The following GPR35 variants were observed in gnomAD, a reference collection of about 807,000 sequenced individuals.
GPR35 encodes G protein-coupled receptor 35.
For synonymous variants in GPR35, 207 were observed against 198.4 expected, an observed-to-expected ratio of 1.04 and a Z score of -0.36; for missense variants, 372 against 422.5, an observed-to-expected ratio of 0.88 and a Z score of 1.05.
rs564536714 is a variant in GPR35 at position 240,630,464 on chromosome 2, A to G, written c.512A>G (p.Asn171Ser). Residue 171 changes from asparagine to serine, a missense_variant, in exon 2 of 2, where the codon AAC becomes AGC. Physicochemically the swap from Asn to Ser is conservative, Grantham distance 46. Transcript: ENST00000407714. Reference sequence around the variant, plus strand: ...TTCAGGAGCACCCGGCACAATTTCAACTCCATGGCGTTCCCGCTGCTGGGA... The same window carrying G: ...TTCAGGAGCACCCGGCACAATTTCAGCTCCATGGCGTTCCCGCTGCTGGGA... The part of the protein sequence containing the change: ...FCFRSTRHNF[N>S]SMAFPLLGFY... The G allele has an allele frequency of 3.7e-6, 6 of 1,611,778 alleles. No individual in the cohort carries two copies. Among genetic ancestry groups the G allele is most frequent in the South Asian group, 3.3e-5 (3 of 91,026 alleles).
intron 2 of GPR35, among the ~76,000 whole-genome samples, chr2:240,607,951 A>G (rs2043151063): frequency 6.6e-6 from 1 of 151,428 alleles, no homozygotes; most frequent in African/African-American, 2.4e-5. Flanking sequence ...GAGTACAGTG[A>G]TGCAATCTTA....
At chr2:240,622,583 T>G (rs2043307874), upstream of GPR35, among the ~76,000 whole-genome samples, 1 of 152,246 alleles carries the variant, frequency 6.6e-6, no homozygotes, top group Admixed American at 6.5e-5. Context: ...TTTACAAATT[T>G]GTGTTGGGCC....
upstream of GPR35, among the ~76,000 whole-genome samples, chr2:240,624,568 C>T (rs1033936360): frequency 2.6e-5 from 4 of 152,194 alleles, no homozygotes; most frequent in Non-Finnish European, 5.9e-5. Flanking sequence ...GCTTCCCTTC[C>T]CTGGGCGTCC....
chr2:240,616,757 A>C (rs557477478), intron 3 of GPR35, among the ~76,000 whole-genome samples: 2 of 151,758 alleles, frequency 1.3e-5, no homozygotes, highest in South Asian at 4.2e-4. Flanking sequence ...AAAAAAAAAA[A>C]AAAAAAGTGA....
chr2:240,623,075 C>T (rs556071439), upstream of GPR35, among the ~76,000 whole-genome samples: 11 of 152,276 alleles, frequency 7.2e-5, no homozygotes, highest in African/African-American at 2.6e-4. Flanking sequence ...AGCCGGGCGC[C>T]GACGACGACT....
chr2:240,616,182 G>A (rs1251486201), intron 2 of GPR35, among the ~76,000 whole-genome samples: 8 of 152,120 alleles, frequency 5.3e-5, no homozygotes, highest in Admixed American at 5.2e-4. Context: ...AGAGGAGCCG[G>A]CACCTTTTTC....
upstream of GPR35, among the ~76,000 whole-genome samples, chr2:240,621,581 T>C (rs2043294974): frequency 6.6e-6 from 1 of 152,212 alleles, no homozygotes; most frequent in Admixed American, 6.5e-5. Context: ...ACCAAAACTA[T>C]GCAAAGGACG....
At chr2:240,612,915 G>A (rs1165284163) in intron 2 of GPR35, among the ~76,000 whole-genome samples, 2 of 152,244 alleles carry the variant, frequency 1.3e-5, no homozygotes, top group African/African-American at 4.8e-5. Context: ...TGTGCTCACA[G>A]AGTCACTGTC....
Position 240,631,992 on chromosome 2 carries a change from C to G in GPR35, c.*1110C>G, listed in dbSNP as rs2043453577. On this transcript the variant is annotated 3_prime_UTR_variant, in exon 2 of 2. Coordinates refer to ENST00000407714, the MANE Select transcript of GPR35 (RefSeq NM_005301.5). ...GGACCCAGGCTCCGGAGGGCCCATG[C>G]CCAGGAGAGCCCCATAAGGGCTCTG... Among the ~76,000 whole-genome samples the G allele has an allele frequency of 3.4e-5, 4 of 119,368 alleles. No individual in the cohort carries two copies. The South Asian group carries it at 1.5e-3, about 43-fold the overall frequency. 78.3% of individuals were successfully genotyped at this position (119,368 alleles called of 152,430 possible).
chr2:240,614,662 C>T (rs1241566411), intron 2 of GPR35, among the ~76,000 whole-genome samples: 2 of 152,210 alleles, frequency 1.3e-5, no homozygotes, highest in Non-Finnish European at 2.9e-5. Context: ...GCCTGGTGTC[C>T]ATCTCTGTGT....
At chr2:240,616,288 G>A (rs2975776) in intron 2 of GPR35, 85,837 of 644,810 alleles carry the variant, frequency 0.13, 7,006 homozygotes, top group East Asian at 0.3. Context: ...GACAGCAGTG[G>A]CTCCACAGGA....
intron 2 of GPR35, among the ~76,000 whole-genome samples, chr2:240,613,212 AAGG>A (rs1441224188): frequency 2.6e-5 from 4 of 152,136 alleles, no homozygotes; most frequent in African/African-American, 9.7e-5. Flanking sequence ...GGCCACCCAG[AAGG>A]AGGAGGAGAG....
chr2:240,626,402 G>A (rs1345988721), intron 1 of GPR35, among the ~76,000 whole-genome samples: 1 of 151,218 alleles, frequency 6.6e-6, no homozygotes, highest in Non-Finnish European at 1.5e-5. Context: ...TCAGAGTGGG[G>A]TGAGGCTGTG....
intron 2 of GPR35, among the ~76,000 whole-genome samples, chr2:240,614,702 G>A (rs59551170): frequency 2.0e-3 from 311 of 152,318 alleles, no homozygotes; most frequent in African/African-American, 7.1e-3. Flanking sequence ...CCGGGTAGGC[G>A]CAGTTGGCAT....
chr2:240,616,317 G>T (rs547734238), intron 2 of GPR35: 89 of 694,404 alleles, frequency 1.3e-4, no homozygotes, highest in South Asian at 7.8e-5. Context: ...AGGTCCCCGC[G>T]GTCCCGGCCG....
intron 1 of GPR35, 122 bp from the exon 2 acceptor site, chr2:240,629,825 TTG>T (rs2043418555): frequency 1.7e-5 from 13 of 773,494 alleles, no homozygotes; most frequent in Non-Finnish European, 2.5e-5. Context: ...AGTTTTGTGT[TTG>T]TGGGTGTGGG....
chr2:240,614,903 T>C (rs763779798), intron 2 of GPR35, among the ~76,000 whole-genome samples: 1 of 152,222 alleles, frequency 6.6e-6, no homozygotes, highest in East Asian at 1.9e-4. Flanking sequence ...TATATATGTA[T>C]ATATGTGTGC....
chr2:240,612,296 G>A (rs565122310), intron 2 of GPR35, among the ~76,000 whole-genome samples: 48 of 151,836 alleles, frequency 3.2e-4, no homozygotes, highest in Non-Finnish European at 5.3e-4. Flanking sequence ...GTGTGGTGGC[G>A]GGCGCCTGTA....
upstream of GPR35, among the ~76,000 whole-genome samples, chr2:240,621,099 G>T (rs933442845): frequency 1.3e-5 from 2 of 152,180 alleles, no homozygotes; most frequent in Non-Finnish European, 2.9e-5. Context: ...CCTCTCTCGG[G>T]GTCCACAACT....
Sources: gnomAD v4.1 joint callset for allele counts (sites outside exome capture counted in the v4.1 genomes callset) on GRCh38, gnomAD v4.1.1 for gene constraint, MANE v1.5 for transcripts, NCBI Gene and HGNC (gene_info 2026-07-23, HGNC 2026-07-21) for gene names.